The following MROH9 variants were observed in gnomAD, a reference collection of about 807,000 sequenced individuals.
The protein encoded by MROH9 is maestro heat like repeat family member 9, also known as maestro heat-like repeat-containing protein family member 9.
A neutral mutation model predicts 98.2 loss-of-function variants in MROH9; 92 were observed. The ratio of observed to expected loss-of-function variants is 0.94; its 90% CI spans 0.79 to 1.11. MROH9 has a LOEUF of 1.11. Ranked by LOEUF, MROH9 falls within the 50% of genes most tolerant of loss-of-function variation. MROH9 has a pLI of 0.00. For missense variants in MROH9, 1,057 were observed against 1,014.8 expected (o/e 1.04, Z -0.57); for synonymous variants, 397 against 368.9 (o/e 1.08, Z -0.87).
At chr1:170,997,552 G>T (rs892301935) in intron 14 of MROH9, among the ~76,000 whole-genome samples, 1 of 152,118 alleles carries the variant, frequency 6.6e-6, no homozygotes, top group African/African-American at 2.4e-5. Flanking sequence ...GAGAAGCACT[G>T]GTTTGGAAGA....
chr1:170,967,969 A>C (rs1650297634), intron 7 of MROH9, among the ~76,000 whole-genome samples: 1 of 152,194 alleles, frequency 6.6e-6, no homozygotes, highest in African/African-American at 2.4e-5. Flanking sequence ...ATGGTAATAA[A>C]ATATTTTAAA....
At chr1:171,050,146 ATT>A (rs1305782511) in intron 20 of MROH9, among the ~76,000 whole-genome samples, 1 of 152,070 alleles carries the variant, frequency 6.6e-6, no homozygotes, top group Non-Finnish European at 1.5e-5. Flanking sequence ...ATTAAGTTCC[ATT>A]TGTCTGCTTT....
intron 14 of MROH9, among the ~76,000 whole-genome samples, chr1:170,997,762 G>A (rs76812445): frequency 0.012 from 1,811 of 152,152 alleles, 27 homozygotes; most frequent in African/African-American, 0.042. Context: ...TCTCATCGGC[G>A]TTACATCATT....
intron 17 of MROH9, among the ~76,000 whole-genome samples, chr1:171,020,038 C>G (rs766211214): frequency 1.3e-5 from 2 of 152,104 alleles, no homozygotes; most frequent in Non-Finnish European, 2.9e-5. Flanking sequence ...AATTCCTGGA[C>G]GCATACACCC....
At chr1:171,006,818 G>GT (rs1651967936) in intron 15 of MROH9, among the ~76,000 whole-genome samples, 1 of 133,782 alleles carries the variant, frequency 7.5e-6, no homozygotes, top group Non-Finnish European at 1.6e-5. Context: ...TTTCTGTTTT[G>GT]TTATTTTTTT....
At chr1:170,997,437 C>G (rs1471198143) in intron 14 of MROH9, among the ~76,000 whole-genome samples, 1 of 152,126 alleles carries the variant, frequency 6.6e-6, no homozygotes, top group Non-Finnish European at 1.5e-5. Flanking sequence ...ACAGCATCAC[C>G]TGAGAGTTAA....
chr1:170,979,925 C>T (rs1041206501), intron 8 of MROH9, among the ~76,000 whole-genome samples: 10 of 152,110 alleles, frequency 6.6e-5, no homozygotes, highest in Admixed American at 5.2e-4. Context: ...AAATCACAAG[C>T]ATTCCTTTAC....
chr1:171,014,283 C>A, intron 16 of MROH9, 29 bp downstream of exon 16: 2 of 1,532,670 alleles, frequency 1.3e-6, no homozygotes, highest in Non-Finnish European at 1.8e-6. Flanking sequence ...TGTCTGCAAG[C>A]ATCATCTAAA....
chr1:170,996,500 G>C lies in MROH9; in HGVS notation c.1338-7G>C. 6.2e-7 allele frequency: 1 copy of C among 1,612,358 alleles called. No individual in the cohort carries two copies. The highest frequency in any genetic ancestry group is 8.5e-7 in the Non-Finnish European group (1 of 1,179,128). On this transcript the variant is annotated splice_region_variant and splice_polypyrimidine_tract_variant and intron_variant, in intron 13 of 21. Transcript: ENST00000367759. ...TGTGATGACTTTGCTCTCTTTTGGG[G>C]CTTTAGGTATGCCCAGGATGCCCTG...
At chr1:170,939,070 A>G (rs1557865189) in intron 1 of MROH9, among the ~76,000 whole-genome samples, 1 of 152,242 alleles carries the variant, frequency 6.6e-6, no homozygotes, top group South Asian at 2.1e-4. Flanking sequence ...TGATTATTAA[A>G]TAATCCTCAG....
chr1:171,063,252 ATTT>A (rs11385110), intron 21 of MROH9, among the ~76,000 whole-genome samples: 8,324 of 124,866 alleles, frequency 0.067, 731 homozygotes, highest in African/African-American at 0.23. Context: ...ATTATCCCGG[ATTT>A]TTTTTTTTTT....
At chr1:171,004,795 G>T (rs1039276959) in intron 15 of MROH9, among the ~76,000 whole-genome samples, 8 of 151,904 alleles carry the variant, frequency 5.3e-5, no homozygotes, top group African/African-American at 9.7e-5. Context: ...CACCAGGTGG[G>T]TTTATTTCTG....
chr1:170,999,770 G>T (rs924032469), intron 15 of MROH9, among the ~76,000 whole-genome samples: 3 of 152,100 alleles, frequency 2.0e-5, no homozygotes, highest in African/African-American at 7.2e-5. Flanking sequence ...GTTTTCCATA[G>T]TGGCTGTACT....
chr1:171,029,079 G>T (rs563518667), intron 20 of MROH9, among the ~76,000 whole-genome samples: 51 of 152,218 alleles, frequency 3.4e-4, no homozygotes, highest in African/African-American at 1.2e-3. Flanking sequence ...AGCCATTCTT[G>T]TTTTGTACCA....
intron 3 of MROH9, among the ~76,000 whole-genome samples, chr1:170,953,462 T>C (rs1352958940): frequency 6.6e-6 from 1 of 152,070 alleles, no homozygotes; most frequent in African/African-American, 2.4e-5. Flanking sequence ...AAAGGTTTTA[T>C]AATTTTAGCC....
intron 13 of MROH9, 123 bp downstream of exon 13, chr1:170,995,654 A>G: frequency 8.9e-7 from 1 of 1,122,134 alleles, no homozygotes; most frequent in Non-Finnish European, 1.3e-6. Flanking sequence ...CATTTATTAC[A>G]GTTTTCTCTC....
chr1:170,992,435 C>T (rs1321473819), intron 12 of MROH9, 106 bp downstream of exon 12: 1 of 1,134,308 alleles, frequency 8.8e-7, no homozygotes, highest in Admixed American at 2.4e-5. Context: ...CAGTCCTCTT[C>T]TCATGCATCC....
At chr1:171,020,003 C>T (rs1041839196) in intron 17 of MROH9, among the ~76,000 whole-genome samples, 3 of 152,116 alleles carry the variant, frequency 2.0e-5, no homozygotes, top group South Asian at 2.1e-4. Flanking sequence ...CACAAATAAA[C>T]GGTAAAATCA....
intron 20 of MROH9, among the ~76,000 whole-genome samples, chr1:171,049,685 T>C (rs1229978749): frequency 6.6e-6 from 1 of 151,948 alleles, no homozygotes; most frequent in Admixed American, 6.6e-5. Context: ...TTTTTCTTTT[T>C]TCTTTTTTTT....
Sources: allele counts gnomAD v4.1 joint callset (sites outside exome capture counted in the v4.1 genomes callset), GRCh38; gene constraint gnomAD v4.1.1; transcripts MANE v1.5; gene names NCBI Gene and HGNC (gene_info 2026-07-23, HGNC 2026-07-21).